The following PSMD5 variants were observed in gnomAD, a reference collection of about 807,000 sequenced individuals.
PSMD5 encodes proteasome 26S subunit, non-ATPase 5, also known as 26S proteasome non-ATPase regulatory subunit 5.
A neutral mutation model predicts 52.1 loss-of-function variants in PSMD5; 40 were observed. The ratio of observed to expected loss-of-function variants is 0.77; its 90% CI spans 0.60 to 1.00. The LOEUF (loss-of-function observed/expected upper bound fraction) is 1.00. Among genes scored for constraint, PSMD5 ranks in the 50% least tolerant of loss-of-function variants. PSMD5 has a pLI of 0.00. For missense variants in PSMD5, 575 were observed against 605.2 expected (o/e 0.95, Z 0.52); for synonymous variants, 211 against 226.6 (o/e 0.93, Z 0.62).
intron 9 of PSMD5, among the ~76,000 whole-genome samples, chr9:120,818,949 C>T (rs184211526): frequency 2.5e-4 from 38 of 152,088 alleles, no homozygotes; most frequent in Non-Finnish European, 4.4e-5. Context: ...TATCTAAGAA[C>T]AGAGGAAGGG....
chr9:120,824,372 T>C (rs749158783), intron 7 of PSMD5, 122 bp downstream of exon 7: 18 of 945,524 alleles, frequency 1.9e-5, no homozygotes, highest in Non-Finnish European at 3.1e-5. Flanking sequence ...AGGTCATGGT[T>C]AACAAGACTG....
intron 7 of PSMD5, among the ~76,000 whole-genome samples, chr9:120,823,436 T>C (rs758048170): frequency 1.3e-5 from 2 of 151,762 alleles, no homozygotes; most frequent in African/African-American, 2.4e-5. Flanking sequence ...CTCGAGCTCC[T>C]GACCTCAAGT....
At chr9:120,832,393 C>CTTTTTTTT (rs35785525) in intron 2 of PSMD5, among the ~76,000 whole-genome samples, 1 of 126,908 alleles carries the variant, frequency 7.9e-6, no homozygotes, top group African/African-American at 3.0e-5. Flanking sequence ...TTCCCCCAAC[C>CTTTTTTTT]TTTTTTTTTT....
chr9:120,829,454 C>T (rs1292256058), intron 4 of PSMD5, among the ~76,000 whole-genome samples: 2 of 152,108 alleles, frequency 1.3e-5, no homozygotes, highest in South Asian at 2.1e-4. Context: ...AGTGCAGTGG[C>T]GTGATCTCAG....
chr9:120,831,703 T>G (rs931984308), intron 3 of PSMD5, 129 bp downstream of exon 3: 12 of 1,373,122 alleles, frequency 8.7e-6, no homozygotes, highest in Middle Eastern at 3.7e-4. Context: ...ACAATCCATA[T>G]GAAGTTGTAA....
At position 120,816,098 on chromosome 9, in the gene PSMD5, T is replaced by TA. The variant is rs746321658; in HGVS notation, c.*1807dup. 98 of 155,640 alleles carry TA rather than the reference T, an allele frequency of 6.3e-4. No homozygotes were observed. Among genetic ancestry groups the TA allele is most frequent in the South Asian group, 1.2e-3 (6 of 5,114 alleles). 9.6% of individuals were successfully genotyped at this position (155,640 alleles called of 1,614,324 possible). ...AATGATTTACAAATTTTATTCAATC[T>TA]AAAAAAAAAATCAGAATGTGTAGAC... On this transcript the variant is annotated 3_prime_UTR_variant, in exon 10 of 10. Transcript: ENST00000210313.
At chr9:120,824,742 G>A in intron 6 of PSMD5, 57 bp from the exon 7 acceptor site, 1 of 1,431,836 alleles carries the variant, frequency 7.0e-7, no homozygotes, top group Non-Finnish European at 9.5e-7. Flanking sequence ...ATGAATTGCG[G>A]GCTCTATGAC....
chr9:120,820,977 A>G lies in PSMD5; in HGVS notation c.1119T>C (p.Pro373=), dbSNP rs767036619. 6.3e-7 allele frequency: 1 copy of G among 1,577,642 alleles called. No homozygotes were observed. Among genetic ancestry groups the G allele is most frequent in the Non-Finnish European group, 8.5e-7 (1 of 1,170,274 alleles). ...DAISSLLYLP[P]EQQTDDLLRM... ...TCAGAAGGTCATCAGTCTGCTGCTC[A>G]GGCTACAGGAAAGAAAAGGAAAATC... Residue 373 remains proline, a splice_region_variant and synonymous_variant, in exon 9 of 10, where the codon CCT becomes CCC. Coordinates refer to ENST00000210313, the MANE Select transcript of PSMD5 (RefSeq NM_005047.4).
intron 1 of PSMD5, among the ~76,000 whole-genome samples, chr9:120,838,557 A>G (rs913202255): frequency 2.0e-5 from 3 of 152,234 alleles, no homozygotes; most frequent in Admixed American, 6.5e-5. Flanking sequence ...AGACTGCCAG[A>G]TACTATCCAG....
intron 1 of PSMD5, among the ~76,000 whole-genome samples, chr9:120,835,788 G>A (rs1393156638): frequency 1.3e-5 from 2 of 151,808 alleles, no homozygotes; most frequent in Admixed American, 6.6e-5. Flanking sequence ...CTGGAGGAAC[G>A]GGGAAGAGGA....
intron 1 of PSMD5, among the ~76,000 whole-genome samples, chr9:120,839,855 C>T (rs1417716527): frequency 7.1e-6 from 1 of 140,306 alleles, no homozygotes; most frequent in Non-Finnish European, 1.5e-5. Context: ...GTGGCTCATG[C>T]CTGTAATCCC....
chr9:120,830,703 A>G (rs2045153540), intron 4 of PSMD5, among the ~76,000 whole-genome samples: 1 of 152,176 alleles, frequency 6.6e-6, no homozygotes, highest in South Asian at 2.1e-4. Context: ...CTCCATCAAT[A>G]TGAGGTTAAT....
At position 120,816,979 on chromosome 9, in the gene PSMD5, A is replaced by C. The variant is rs1023866107; in HGVS notation, c.*927T>G. The C allele has an allele frequency of 1.3e-5, 2 of 152,306 alleles. No homozygotes were observed. Among genetic ancestry groups the C allele is most frequent in the African/African-American group, 4.8e-5 (2 of 41,572 alleles). The allele number at this position is 152,306 out of a possible 1,614,324, so 9.4% of individuals were successfully genotyped here. ...GTTTAGGAATCCTTCTGATCCCCCAAAACCACAACAGGGCAAAGTTCATTG... is the reference window on the plus strand; with the variant it reads ...GTTTAGGAATCCTTCTGATCCCCCACAACCACAACAGGGCAAAGTTCATTG... On this transcript the variant is annotated 3_prime_UTR_variant, in exon 10 of 10. Transcript: ENST00000210313.
chr9:120,837,456 G>C (rs1419086642), intron 1 of PSMD5, among the ~76,000 whole-genome samples: 1 of 152,122 alleles, frequency 6.6e-6, no homozygotes, highest in Non-Finnish European at 1.5e-5. Context: ...TCAGCCTCCT[G>C]AATAGCTGGG....
chr9:120,832,307 G>A (rs1002238477), intron 2 of PSMD5, among the ~76,000 whole-genome samples: 7 of 151,694 alleles, frequency 4.6e-5, no homozygotes, highest in African/African-American at 1.7e-4. Context: ...AAGATTAAAT[G>A]AGACCGAACA....
intron 1 of PSMD5, chr9:120,842,122 T>C (rs1403698378): frequency 6.5e-6 from 1 of 153,964 alleles, no homozygotes; most frequent in African/African-American, 2.4e-5. Context: ...CTAAACGCTT[T>C]TGGACTGATC....
chr9:120,825,246 A>C (rs1176786421), intron 6 of PSMD5, among the ~76,000 whole-genome samples: 3 of 152,184 alleles, frequency 2.0e-5, no homozygotes. Flanking sequence ...AAAATATCCT[A>C]ATGTTCTAAA....
At chr9:120,840,075 T>C (rs932682516) in intron 1 of PSMD5, among the ~76,000 whole-genome samples, 1 of 148,148 alleles carries the variant, frequency 6.8e-6, no homozygotes, top group Non-Finnish European at 1.5e-5. Flanking sequence ...TACAGTGAGC[T>C]TACATCCTGC....
chr9:120,826,954 G>A lies in PSMD5; in HGVS notation c.672-47C>T, dbSNP rs2045127283. On this transcript the variant is annotated intron_variant, in intron 5 of 9. Transcript: ENST00000210313. The stretch of plus-strand genomic sequence containing the variant: ...AACAAGGAGATTTTGCACAGGATTT[G>A]CATAGTTTATAAATTGCTCTCATAC... The A allele has an allele frequency of 2.6e-6, 4 of 1,550,762 alleles. No individual in the cohort carries two copies. The South Asian group carries it at 3.5e-5, about 14-fold the overall frequency.
Sources: allele counts gnomAD v4.1 joint callset (sites outside exome capture counted in the v4.1 genomes callset), GRCh38; gene constraint gnomAD v4.1.1; transcripts MANE v1.5; gene names NCBI Gene and HGNC (gene_info 2026-07-23, HGNC 2026-07-21).